TMEM161B: variants seen among roughly 807,000 people sequenced by gnomAD.
TMEM161B encodes transmembrane protein 161B.
In TMEM161B, 34 loss-of-function variants were observed where a neutral mutation model predicts 61.8. The observed-to-expected ratio is 0.55, with a 90% confidence interval of 0.42 to 0.73. The LOEUF (loss-of-function observed/expected upper bound fraction) is 0.73. TMEM161B is among the 30% of genes least tolerant of loss of function. The pLI is 0.00. For synonymous variants in TMEM161B, 167 were observed against 192.8 expected, an observed-to-expected ratio of 0.87 and a Z score of 1.11; for missense variants, 456 against 558.5, an observed-to-expected ratio of 0.82 and a Z score of 1.85.
At chr5:88,257,621 G>A (rs150680145) in intron 1 of TMEM161B, among the ~76,000 whole-genome samples, 1 of 152,286 alleles carries the variant, frequency 6.6e-6, no homozygotes, top group Non-Finnish European at 1.5e-5. Context: ...AACAGATCAT[G>A]TTGTCTATGA....
intron 2 of TMEM161B, among the ~76,000 whole-genome samples, chr5:88,240,539 A>G (rs1298451535): frequency 6.6e-6 from 1 of 151,768 alleles, no homozygotes; most frequent in Non-Finnish European, 1.5e-5. Flanking sequence ...TCAAACTAAG[A>G]GTAATAAGGA....
chr5:88,197,096 C>T (rs1749783207), intron 11 of TMEM161B, among the ~76,000 whole-genome samples: 1 of 152,022 alleles, frequency 6.6e-6, no homozygotes, highest in African/African-American at 2.4e-5. Context: ...TTAGTTCTTT[C>T]AGGTTTCTTA....
intron 2 of TMEM161B, among the ~76,000 whole-genome samples, chr5:88,239,045 G>A (rs558585316): frequency 2.4e-4 from 37 of 151,938 alleles, no homozygotes; most frequent in African/African-American, 8.4e-4. Context: ...AACCAATTTC[G>A]TGTTTCTTTT....
exon 13 of TMEM161B, chr5:88,189,898 G>A (rs993823231): frequency 6.6e-5 from 39 of 593,978 alleles, no homozygotes; most frequent in East Asian, 4.7e-4. Context: ...TGATTCATCC[G>A]CTCCACCTTT....
At position 88,228,542 on chromosome 5, in the gene TMEM161B, G is replaced by A. The variant is rs756933434; in HGVS notation, c.108-14C>T. The A allele has an allele frequency of 3.2e-6, 5 of 1,562,580 alleles. No homozygotes were observed. The highest frequency in any genetic ancestry group is 4.3e-6 in the Non-Finnish European group (5 of 1,154,276). On this transcript the variant is annotated splice_polypyrimidine_tract_variant and intron_variant, in intron 2 of 11. Transcript: ENST00000296595. ...TACCACCTCAAACTAAGCAAAAAAA[G>A]AATTCTTTTAAATAAAGCGCTTAAA...
chr5:88,250,556 C>T (rs1187104127), intron 1 of TMEM161B: 1 of 152,144 alleles, frequency 6.6e-6, no homozygotes, highest in Non-Finnish European at 1.5e-5. Context: ...TAAACCAAGA[C>T]TCTCTGTACA....
intron 10 of TMEM161B, chr5:88,198,567 TTAAA>T (rs1236091554): frequency 6.5e-6 from 1 of 153,580 alleles, no homozygotes; most frequent in African/African-American, 2.4e-5. Context: ...CTCAAATAAA[TTAAA>T]TACTTACATT....
chr5:88,190,282 G>A (rs1222114210), downstream of TMEM161B: 15 of 699,352 alleles, frequency 2.1e-5, no homozygotes, highest in East Asian at 8.2e-5. Context: ...GTAACACACC[G>A]CTGTGTCAGT....
chr5:88,207,299 T>A, intron 5 of TMEM161B, 119 bp from the exon 6 acceptor site: 1 of 971,544 alleles, frequency 1.0e-6, no homozygotes, highest in Non-Finnish European at 1.5e-6. Context: ...AAGTGGAGTT[T>A]AAAACACTTT....
intron 5 of TMEM161B, among the ~76,000 whole-genome samples, chr5:88,209,862 A>ACTGCC (rs2307811): frequency 0.86 from 130,148 of 151,614 alleles, 55,897 homozygotes; most frequent in Non-Finnish European, 0.88. Context: ...TATCATCTGA[A>ACTGCC]CTCTTCCCTC....
intron 7 of TMEM161B, 29 bp from the exon 8 acceptor site, chr5:88,205,983 T>C: frequency 6.9e-7 from 1 of 1,446,934 alleles, no homozygotes; most frequent in Non-Finnish European, 9.5e-7. Flanking sequence ...AAAAAGCTGA[T>C]AAATTTTTAT....
At position 88,195,641 on chromosome 5, in the gene TMEM161B, T is replaced by C; in HGVS notation, c.*570A>G. On this transcript the variant is annotated 3_prime_UTR_variant, in exon 12 of 12. Coordinates refer to ENST00000296595, the MANE Select transcript of TMEM161B (RefSeq NM_153354.5). The stretch of plus-strand genomic sequence containing the variant: ...CAGCAGTAGTTATATATTTTAACCA[T>C]ATTCATCTCCATTAAATTTAAAATA... 1 of 984,822 alleles carries C rather than the reference T, an allele frequency of 1.0e-6. No individual in the cohort carries two copies. The highest frequency in any genetic ancestry group is 1.7e-5 in the African/African-American group (1 of 57,336). 61.0% of individuals were successfully genotyped at this position (984,822 alleles called of 1,614,324 possible).
At chr5:88,267,659 C>G (rs777892252) in intron 1 of TMEM161B, among the ~76,000 whole-genome samples, 5 of 152,178 alleles carry the variant, frequency 3.3e-5, no homozygotes, top group African/African-American at 1.2e-4. Flanking sequence ...CCCTTGCCCC[C>G]GTTTGTGTTC....
At chr5:88,221,148 T>A (rs1748904000) in intron 4 of TMEM161B, among the ~76,000 whole-genome samples, 2 of 152,228 alleles carry the variant, frequency 1.3e-5, no homozygotes. Context: ...TTTTGTGAAG[T>A]AAGAGTTTAA....
downstream of TMEM161B, among the ~76,000 whole-genome samples, chr5:88,191,005 TTAAA>T (rs1561285907): frequency 1.3e-5 from 2 of 152,218 alleles, no homozygotes; most frequent in Non-Finnish European, 2.9e-5. Context: ...ATTGTGAACT[TTAAA>T]TATGCTGAAT....
chr5:88,267,749 C>T (rs1756589691), intron 1 of TMEM161B, among the ~76,000 whole-genome samples: 1 of 152,118 alleles, frequency 6.6e-6, no homozygotes, highest in Non-Finnish European at 1.5e-5. Context: ...ACCCCCCTAC[C>T]CCTTGTTTAC....
intron 8 of TMEM161B, 83 bp downstream of exon 8, chr5:88,205,729 TTA>T: frequency 6.9e-7 from 1 of 1,450,540 alleles, no homozygotes; most frequent in Non-Finnish European, 9.3e-7. Context: ...ATACAATAAT[TTA>T]TGATTACATT....
chr5:88,239,430 A>G (rs745396785), intron 2 of TMEM161B, among the ~76,000 whole-genome samples: 3 of 152,008 alleles, frequency 2.0e-5, no homozygotes, highest in Non-Finnish European at 4.4e-5. Flanking sequence ...TAATTTGCCC[A>G]GCTCATGTTC....
Position 88,220,727 on chromosome 5 carries a change from GAAAAAAAAAAAAAAAA to G in TMEM161B, c.290-24_290-9del. 1.7e-6 allele frequency: 1 copy of G among 581,450 alleles called. No homozygotes were observed. The highest frequency in any genetic ancestry group is 1.2e-4 in the East Asian group (1 of 8,570). 36.0% of individuals were successfully genotyped at this position (581,450 alleles called of 1,614,324 possible). On this transcript the variant is annotated splice_polypyrimidine_tract_variant and intron_variant, in intron 4 of 11. Transcript: ENST00000296595. ...CTGGAAAGTAATGCAATGCTGGAAA[GAAAAAAAAAAAAAAAA>G]AAAAAAAAGGTCAAAAAAAACAGTT...
Sources: allele counts gnomAD v4.1 joint callset (sites outside exome capture counted in the v4.1 genomes callset), GRCh38; gene constraint gnomAD v4.1.1; transcripts MANE v1.5; gene names NCBI Gene and HGNC (gene_info 2026-07-23, HGNC 2026-07-21).